WDR47: variants seen among roughly 807,000 people sequenced by gnomAD.
WDR47 encodes WD repeat domain 47.
A neutral mutation model predicts 97.2 loss-of-function variants in WDR47; 32 were observed. The ratio of observed to expected loss-of-function variants is 0.33; its 90% CI spans 0.25 to 0.44. The LOEUF (loss-of-function observed/expected upper bound fraction) is 0.44. Among genes scored for constraint, WDR47 ranks in the 20% least tolerant of loss-of-function variants. The pLI is 1.00. For synonymous variants in WDR47, 375 were observed against 373.5 expected, an observed-to-expected ratio of 1.00 and a Z score of -0.05; for missense variants, 782 against 1,102.3, an observed-to-expected ratio of 0.71 and a Z score of 4.11.
Position 108,974,612 on chromosome 1 carries a change from A to G in WDR47, c.2541T>C (p.Ser847=), listed in dbSNP as rs1657741186. The G allele has an allele frequency of 6.2e-7, 1 of 1,614,180 alleles. No homozygotes were observed. Among genetic ancestry groups the G allele is most frequent in the Non-Finnish European group, 8.5e-7 (1 of 1,180,024 alleles). ...SYHPHSSDVR[S]VRFSPGAHYL... is the part of the protein sequence containing the mutation. Reference sequence around the variant, plus strand: ...AGTGAGCTCCAGGGGAGAATCGAACAGAGCGAACATCACTGGAATGAGGAT... The same window carrying G: ...AGTGAGCTCCAGGGGAGAATCGAACGGAGCGAACATCACTGGAATGAGGAT... Residue 847 remains serine (S), a synonymous_variant, in exon 14 of 15, where the codon TCT becomes TCC. Transcript: ENST00000369962.
chr1:108,980,344 G>C (rs990329056), intron 13 of WDR47, among the ~76,000 whole-genome samples: 12 of 149,196 alleles, frequency 8.0e-5, no homozygotes, highest in Admixed American at 6.0e-4. Flanking sequence ...GAATAAACAA[G>C]GCATTAAAAA....
chr1:109,001,717 C>T (rs1386824511), intron 7 of WDR47, among the ~76,000 whole-genome samples: 1 of 152,026 alleles, frequency 6.6e-6, no homozygotes, highest in African/African-American at 2.4e-5. Flanking sequence ...AGGCAAAACC[C>T]TATCTCTACA....
At chr1:108,985,357 C>G (rs1658705275) in intron 10 of WDR47, among the ~76,000 whole-genome samples, 2 of 152,168 alleles carry the variant, frequency 1.3e-5, no homozygotes, top group Non-Finnish European at 2.9e-5. Flanking sequence ...TCTCCCTTCT[C>G]TTTACATAGC....
Position 109,031,116 on chromosome 1 carries a change from T to C in WDR47, c.-9-7595A>G, listed in dbSNP as rs1257095035. The stretch of plus-strand genomic sequence containing the variant: ...GTCTGTTTAATAAGAAGAAACAAAA[T>C]AGATTTGCATTAGATCACTTAAGCA... On this transcript the variant is annotated intron_variant, in intron 1 of 14. Coordinates refer to ENST00000369962, the MANE Select transcript of WDR47 (RefSeq NM_001142551.2). 1.4e-5 allele frequency among the ~76,000 whole-genome samples: 2 copies of C among 139,840 alleles called. 1 individual carries two copies. Among genetic ancestry groups the C allele is most frequent in the Non-Finnish European group, 3.2e-5 (2 of 62,820 alleles). The allele number at this position is 139,840 out of a possible 152,430, so 91.7% of individuals were successfully genotyped here.
At chr1:108,979,469 G>A (rs964928403) in intron 13 of WDR47, among the ~76,000 whole-genome samples, 2 of 152,070 alleles carry the variant, frequency 1.3e-5, no homozygotes, top group Non-Finnish European at 2.9e-5. Flanking sequence ...AAACTGCAGT[G>A]AGCCATGACT....
intron 5 of WDR47, among the ~76,000 whole-genome samples, chr1:109,009,825 T>C (rs1196930697): frequency 1.3e-5 from 2 of 151,822 alleles, no homozygotes; most frequent in Non-Finnish European, 2.9e-5. Flanking sequence ...TGGTAAAACC[T>C]CATCTCTACT....
intron 13 of WDR47, among the ~76,000 whole-genome samples, chr1:108,976,649 A>G (rs374820199): frequency 1.6e-4 from 24 of 152,310 alleles, no homozygotes; most frequent in East Asian, 9.6e-4. Context: ...TTAAATAGTG[A>G]TAAGAGTTCA....
At chr1:108,996,996 A>T (rs1323724596) in intron 7 of WDR47, among the ~76,000 whole-genome samples, 1 of 151,984 alleles carries the variant, frequency 6.6e-6, no homozygotes, top group Non-Finnish European at 1.5e-5. Flanking sequence ...GATGCCTGTA[A>T]TCCCAGCTAC....
At chr1:109,034,795 T>C (rs1662820009) in intron 1 of WDR47, among the ~76,000 whole-genome samples, 1 of 152,158 alleles carries the variant, frequency 6.6e-6, no homozygotes, top group African/African-American at 2.4e-5. Context: ...CTGAGGACTG[T>C]TGCTATAGAA....
In WDR47 at chr1:109,021,832, T is replaced by A. The variant is rs556180288; in HGVS notation, c.158+1523A>T. Among the ~76,000 whole-genome samples the A allele has an allele frequency of 2.4e-3, 372 of 151,966 alleles. 4 individuals carry two copies. The highest frequency in any genetic ancestry group is 2.3e-3 in the Non-Finnish European group (157 of 67,964). ...GTAAGCCACCACGCCTGGCCTTTTT[T>A]AATTTATTATTTATTTAATTTATTA... On this transcript the variant is annotated intron_variant, in intron 2 of 14. Transcript: ENST00000369962.
At chr1:108,977,473 T>C (rs1365148889) in intron 13 of WDR47, among the ~76,000 whole-genome samples, 2 of 151,704 alleles carry the variant, frequency 1.3e-5, no homozygotes, top group Non-Finnish European at 2.9e-5. Flanking sequence ...TCCTGGAACA[T>C]TTAACTTTTA....
chr1:109,030,365 A>G, intron 1 of WDR47: 1 of 527,022 alleles, frequency 1.9e-6, no homozygotes, highest in Non-Finnish European at 3.2e-6. Flanking sequence ...CAATAAGCAC[A>G]TTTTTGATAA....
At chr1:109,037,873 C>T (rs907544031) in intron 1 of WDR47, among the ~76,000 whole-genome samples, 15 of 151,974 alleles carry the variant, frequency 9.9e-5, no homozygotes, top group Admixed American at 3.3e-4. Context: ...TTCTTTCTCT[C>T]TCTTTGAGAC....
chr1:109,015,689 T>C (rs1661363561), intron 3 of WDR47, among the ~76,000 whole-genome samples: 1 of 150,684 alleles, frequency 6.6e-6, no homozygotes, highest in South Asian at 2.1e-4. Context: ...AAGTCAATCC[T>C]TAAAAAAAGA....
intron 1 of WDR47, among the ~76,000 whole-genome samples, chr1:109,036,509 T>TG (rs1350156898): frequency 3.6e-4 from 46 of 129,262 alleles, no homozygotes; most frequent in South Asian, 1.0e-3. Context: ...CACTACAGCC[T>TG]GGGCGACTGA....
intron 8 of WDR47, among the ~76,000 whole-genome samples, chr1:108,992,037 G>A (rs954300373): frequency 2.0e-5 from 3 of 151,878 alleles, no homozygotes; most frequent in African/African-American, 7.3e-5. Context: ...CGAGATAAAA[G>A]GTAGAGACTA....
At chr1:109,010,577 A>G (rs1341932657) in intron 5 of WDR47, among the ~76,000 whole-genome samples, 2 of 132,360 alleles carry the variant, frequency 1.5e-5, no homozygotes, top group Non-Finnish European at 3.1e-5. Context: ...AAGATTTCCT[A>G]ATTTTTTTTT....
intron 13 of WDR47, among the ~76,000 whole-genome samples, chr1:108,975,072 T>C (rs541404888): frequency 0.027 from 127 of 4,764 alleles, no homozygotes; most frequent in Admixed American, 0.033. Context: ...GTGTTTTCAC[T>C]ACTGGAAGTA....
intron 13 of WDR47, among the ~76,000 whole-genome samples, chr1:108,975,887 G>A (rs534734545): frequency 2.2e-4 from 34 of 152,228 alleles, no homozygotes; most frequent in African/African-American, 8.2e-4. Context: ...GGGCTATTAC[G>A]ATCAGGAAGA....
Sources: allele counts gnomAD v4.1 joint callset (sites outside exome capture counted in the v4.1 genomes callset), GRCh38; gene constraint gnomAD v4.1.1; transcripts MANE v1.5; gene names NCBI Gene and HGNC (gene_info 2026-07-23, HGNC 2026-07-21).